GRM7: variants seen among roughly 807,000 people sequenced by gnomAD.
GRM7 encodes the protein metabotropic glutamate receptor 7.
A neutral mutation model predicts 84.5 loss-of-function variants in GRM7; 35 were observed. That is an observed-to-expected ratio of 0.41 (90% CI 0.32 to 0.55). The LOEUF (loss-of-function observed/expected upper bound fraction) is 0.55. Among genes scored for constraint, GRM7 ranks in the 20% least tolerant of loss-of-function variants. The probability of loss-of-function intolerance (pLI) is 0.19; values close to 1 mark genes in which losing one functional copy is unlikely to be tolerated. For missense variants in GRM7, 1,003 were observed against 1,194.6 expected, an observed-to-expected ratio of 0.84 and a Z score of 2.36; for synonymous variants, 487 against 455.1, an observed-to-expected ratio of 1.07 and a Z score of -0.89.
Position 7,579,292 on chromosome 3 carries a change from A to C in GRM7, c.2386A>C (p.Thr796Pro). 1 of 1,613,864 alleles carries C rather than the reference A, an allele frequency of 6.2e-7. No individual in the cohort carries two copies. The highest frequency in any genetic ancestry group is 8.5e-7 in the Non-Finnish European group (1 of 1,179,844). Residue 796 changes from threonine to proline, a missense_variant, in exon 8 of 10, where the codon ACG becomes CCG. Around this residue, in one of 2 missense-constraint regions of GRM7, gnomAD observed 910 missense variants for 1,126.0 expected, o/e 0.81. Coordinates refer to ENST00000357716, the MANE Select transcript of GRM7 (RefSeq NM_000844.4). Reference protein sequence around the residue: ...EAKPIGFTMYTTCIVWLAFIP... With the variant: ...EAKPIGFTMYPTCIVWLAFIP... ...CAAGCCCATTGGATTCACTATGTAC[A>C]CGACATGTATAGTATGGCTTGCCTT...
intron 2 of GRM7, among the ~76,000 whole-genome samples, chr3:7,155,958 T>G (rs963594504): frequency 1.4e-4 from 22 of 152,216 alleles, no homozygotes; most frequent in African/African-American, 4.1e-4. Context: ...TAAACCACAT[T>G]GTCCATAATC....
At chr3:7,152,567 A>G (rs1009237540) in intron 2 of GRM7, among the ~76,000 whole-genome samples, 4 of 152,048 alleles carry the variant, frequency 2.6e-5, no homozygotes, top group Non-Finnish European at 5.9e-5. Context: ...CCTTCTGTGG[A>G]TTTGCGGATA....
chr3:7,194,716 T>A (rs1350647940), intron 2 of GRM7, among the ~76,000 whole-genome samples: 1 of 152,172 alleles, frequency 6.6e-6, no homozygotes, highest in African/African-American at 2.4e-5. Flanking sequence ...GATGACTCAA[T>A]GTCTTAATCT....
intron 4 of GRM7, among the ~76,000 whole-genome samples, chr3:7,323,013 CAAGT>C (rs1368215719): frequency 1.3e-5 from 2 of 152,092 alleles, no homozygotes; most frequent in African/African-American, 2.4e-5. Context: ...ACAAAGGAAA[CAAGT>C]AAGCAAGAGT....
intron 4 of GRM7, among the ~76,000 whole-genome samples, chr3:7,414,600 A>T (rs369618136): frequency 6.6e-6 from 1 of 152,058 alleles, no homozygotes; most frequent in Non-Finnish European, 1.5e-5. Flanking sequence ...TTCACCTACA[A>T]CCTCTTCAAA....
chr3:6,886,565 C>A (rs1695703232), intron 1 of GRM7, among the ~76,000 whole-genome samples: 1 of 152,032 alleles, frequency 6.6e-6, no homozygotes, highest in African/African-American at 2.4e-5. Flanking sequence ...TCCATTATGT[C>A]TTAATTGAGT....
intron 4 of GRM7, among the ~76,000 whole-genome samples, chr3:7,318,985 A>C (rs540646801): frequency 6.6e-6 from 1 of 152,232 alleles, no homozygotes; most frequent in East Asian, 1.9e-4. Flanking sequence ...CAAGAGACAT[A>C]GAGTGGTCCA....
chr3:7,516,249 G>A (rs916905657), intron 7 of GRM7, among the ~76,000 whole-genome samples: 6 of 150,624 alleles, frequency 4.0e-5, no homozygotes, highest in East Asian at 3.9e-4. Flanking sequence ...AAGCCGAGGC[G>A]GGCAGATCAT....
intron 5 of GRM7, among the ~76,000 whole-genome samples, chr3:7,426,991 G>T (rs1305810342): frequency 6.6e-6 from 1 of 152,228 alleles, no homozygotes. Context: ...GCTGCACTTA[G>T]AACACTGAAG....
intron 4 of GRM7, among the ~76,000 whole-genome samples, chr3:7,339,349 C>A (rs1283600517): frequency 2.0e-5 from 3 of 152,086 alleles, no homozygotes; most frequent in Non-Finnish European, 4.4e-5. Context: ...CTCAAGCCAG[C>A]CTAAGACATG....
At chr3:7,540,456 C>T (rs1297464517) in intron 7 of GRM7, among the ~76,000 whole-genome samples, 1 of 152,098 alleles carries the variant, frequency 6.6e-6, no homozygotes, top group Non-Finnish European at 1.5e-5. Context: ...AAACATTATG[C>T]TAAGTGAAAG....
In GRM7 at chr3:7,315,267, G is replaced by T. The variant is rs190394753; in HGVS notation, c.1033+8615G>T. On this transcript the variant is annotated intron_variant, in intron 4 of 9. Transcript: ENST00000357716. ...GGTCAGTCACCAGTGAAAGCTTAAG[G>T]TCTTCTCAGGTCTTTTCTGAGTGTA... 4.1e-3 allele frequency among the ~76,000 whole-genome samples: 626 copies of T among 152,278 alleles called. 6 individuals carry two copies. Among genetic ancestry groups the T allele is most frequent in the African/African-American group, 0.014 (588 of 41,560 alleles).
rs756853868 is a variant in GRM7, at chr3:7,188,248, G to A, written c.736+41580G>A. ...AGATCAGCATTATCAGCCTGCAGAA[G>A]AGCCAAAACTCCAGGCAGAGAACTT... is the stretch of plus-strand genomic sequence containing the variant. On this transcript the variant is annotated intron_variant, in intron 2 of 9. Coordinates refer to ENST00000357716, the MANE Select transcript of GRM7 (RefSeq NM_000844.4). The surrounding 1 kb of genome is among the most constrained non-coding windows in gnomAD (Gnocchi z 4.2). Among the ~76,000 whole-genome samples the A allele has an allele frequency of 6.6e-6, 1 of 152,106 alleles. No individual in the cohort carries two copies. The highest frequency in any genetic ancestry group is 1.5e-5 in the Non-Finnish European group (1 of 68,022).
rs1445938867 is a variant in GRM7 at position 7,680,035 on chromosome 3, G to A, written c.2452-14G>A. 2.5e-6 allele frequency: 4 copies of A among 1,613,434 alleles called. No homozygotes were observed. The highest frequency in any genetic ancestry group is 3.3e-5 in the Admixed American group (2 of 60,014). ...TTTTATTTGTAATAGTGCCTTGTGT[G>A]TTGTGTCTCCTAGCTCTACATACAA... On this transcript the variant is annotated splice_polypyrimidine_tract_variant and intron_variant, in intron 8 of 9. Coordinates refer to ENST00000357716, the MANE Select transcript of GRM7 (RefSeq NM_000844.4).
intron 1 of GRM7, among the ~76,000 whole-genome samples, chr3:7,133,320 T>C (rs1325174688): frequency 6.6e-6 from 1 of 152,224 alleles, no homozygotes; most frequent in African/African-American, 2.4e-5. Context: ...TCCGGCCCAG[T>C]AGTCCCCAAC....
chr3:7,161,063 A>G (rs1694607990), intron 2 of GRM7, among the ~76,000 whole-genome samples: 2 of 152,204 alleles, frequency 1.3e-5, no homozygotes, highest in Admixed American at 1.3e-4. Context: ...TTCTAAAATT[A>G]GAAGACTACT....
intron 1 of GRM7, among the ~76,000 whole-genome samples, chr3:6,905,515 A>G (rs983510201): frequency 1.3e-5 from 2 of 152,166 alleles, no homozygotes; most frequent in Non-Finnish European, 2.9e-5. Flanking sequence ...ATGAATGATC[A>G]AAACATCTAT....
chr3:7,591,377 C>A, intron 8 of GRM7: 1 of 385,124 alleles, frequency 2.6e-6, no homozygotes, highest in Admixed American at 3.3e-5. Flanking sequence ...CAGTAATACA[C>A]AGTGATGGTA....
intron 1 of GRM7, among the ~76,000 whole-genome samples, chr3:6,872,588 T>A (rs777844111): frequency 7.9e-5 from 12 of 152,100 alleles, no homozygotes; most frequent in Non-Finnish European, 1.5e-4. Flanking sequence ...CATTAGGTAT[T>A]TCTCCTAATG....
Sources: gnomAD v4.1 joint callset for allele counts (sites outside exome capture counted in the v4.1 genomes callset) on GRCh38, gnomAD v4.1.1 for gene constraint, gnomAD v4.1.1 regional missense constraint, Gnocchi (gnomAD v3.1) non-coding constraint, MANE v1.5 for transcripts, NCBI Gene and HGNC (gene_info 2026-07-23, HGNC 2026-07-21) for gene names.